IL1RAPL2: variants seen among roughly 807,000 people sequenced by gnomAD.
IL1RAPL2 encodes X-linked interleukin-1 receptor accessory protein-like 2.
Under a neutral mutation model 44.1 loss-of-function variants are expected in IL1RAPL2, and 3 were observed. The ratio of observed to expected loss-of-function variants is 0.07; its 90% confidence interval spans 0.03 to 0.18. The LOEUF (loss-of-function observed/expected upper bound fraction) is 0.18, where lower values mean the gene tolerates loss of function less well. Among genes scored for constraint, IL1RAPL2 ranks in the 10% least tolerant of loss-of-function variants. IL1RAPL2 has a pLI of 1.00. For synonymous variants in IL1RAPL2, 181 were observed against 178.8 expected (o/e 1.01, Z -0.10); for missense variants, 391 against 496.4 (o/e 0.79, Z 2.02).
At chrX:105,392,537 G>A (rs965302598) in intron 5 of IL1RAPL2, among the ~76,000 whole-genome samples, 18 of 111,550 alleles carry the variant, frequency 1.6e-4, no homozygotes, top group African/African-American at 2.9e-4. Flanking sequence ...ATTTTTTCAC[G>A]TTTAAGACAT....
intron 2 of IL1RAPL2, among the ~76,000 whole-genome samples, chrX:105,041,177 A>G (rs2031728730): frequency 9.0e-6 from 1 of 110,673 alleles, no homozygotes; most frequent in Admixed American, 9.7e-5. Context: ...GTTTCCAGGT[A>G]GTTGAGCAGT....
chrX:105,246,975 A>G (rs1190828230), intron 4 of IL1RAPL2, among the ~76,000 whole-genome samples: 1 of 111,082 alleles, frequency 9.0e-6, no homozygotes, highest in Non-Finnish European at 1.9e-5. Context: ...ATATACTGGT[A>G]GCCCTCACAT....
At chrX:104,909,162 T>A (rs1222912624) in intron 2 of IL1RAPL2, among the ~76,000 whole-genome samples, 3 of 112,269 alleles carry the variant, frequency 2.7e-5, no homozygotes, top group Non-Finnish European at 5.6e-5. Context: ...TGCATTATTC[T>A]CGTAGTTCTC....
intron 2 of IL1RAPL2, chrX:104,804,246 A>G (rs1252978998): frequency 9.0e-6 from 1 of 111,403 alleles, no homozygotes; most frequent in East Asian, 2.8e-4. Context: ...TACTACAGAG[A>G]AATGGGTGCC....
chrX:105,527,264 G>C, intron 6 of IL1RAPL2, among the ~76,000 whole-genome samples: 1 of 111,160 alleles, frequency 9.0e-6, no homozygotes, highest in South Asian at 3.7e-4. Context: ...TTATTTGTAA[G>C]ATGGTACAAT....
chrX:104,705,934 G>A (rs978714540), intron 2 of IL1RAPL2, among the ~76,000 whole-genome samples: 1 of 111,903 alleles, frequency 8.9e-6, no homozygotes, highest in Non-Finnish European at 1.9e-5. Flanking sequence ...TTAAGTAGGT[G>A]CTCAACAGAT....
At chrX:104,873,829 A>G (rs1922828228) in intron 2 of IL1RAPL2, among the ~76,000 whole-genome samples, 2 of 112,053 alleles carry the variant, frequency 1.8e-5, no homozygotes, top group Admixed American at 9.5e-5. Flanking sequence ...ATATTAGCAA[A>G]TGAGTCCTTC....
At chrX:105,711,504 T>G (rs2038210877) in intron 6 of IL1RAPL2, among the ~76,000 whole-genome samples, 1 of 111,599 alleles carries the variant, frequency 9.0e-6, no homozygotes, top group South Asian at 3.8e-4. Flanking sequence ...CTCTCAACAC[T>G]ATTACATTGG....
chrX:105,374,190 C>T (rs2035367689), intron 5 of IL1RAPL2, among the ~76,000 whole-genome samples: 1 of 107,858 alleles, frequency 9.3e-6, no homozygotes, highest in East Asian at 3.0e-4. Context: ...TTTCACTGGT[C>T]TATGTGTCTC....
At chrX:105,666,382 C>T (rs5962565) in intron 6 of IL1RAPL2, among the ~76,000 whole-genome samples, 2,147 of 110,504 alleles carry the variant, frequency 0.019, 50 homozygotes, top group African/African-American at 0.067. Context: ...TTAGTGAGGG[C>T]GGGGGTAGGT....
At chrX:105,650,064 G>A (rs1337229127) in intron 6 of IL1RAPL2, among the ~76,000 whole-genome samples, 1 of 111,129 alleles carries the variant, frequency 9.0e-6, no homozygotes, top group African/African-American at 3.3e-5. Flanking sequence ...GTTGGTCAAG[G>A]GGCACTCTTT....
chrX:105,428,455 CTCTG>C (rs764869181), intron 5 of IL1RAPL2, among the ~76,000 whole-genome samples: 2 of 111,651 alleles, frequency 1.8e-5, no homozygotes, highest in South Asian at 7.5e-4. Flanking sequence ...CAACATCCAA[CTCTG>C]TCTGAGATTC....
At chrX:104,761,541 A>G (rs181268329) in intron 2 of IL1RAPL2, among the ~76,000 whole-genome samples, 2 of 108,051 alleles carry the variant, frequency 1.9e-5, no homozygotes, top group African/African-American at 3.6e-5. Flanking sequence ...AAACACAATC[A>G]TGCCTGCCCA....
intron 5 of IL1RAPL2, among the ~76,000 whole-genome samples, chrX:105,384,277 G>T (rs1243318339): frequency 2.7e-5 from 3 of 111,180 alleles, no homozygotes; most frequent in African/African-American, 9.8e-5. Context: ...TTTTGATTTG[G>T]TTTTTGTATT....
At chrX:105,713,404 C>T (rs766613156) in intron 6 of IL1RAPL2, among the ~76,000 whole-genome samples, 1 of 111,493 alleles carries the variant, frequency 9.0e-6, no homozygotes, top group Non-Finnish European at 1.9e-5. Flanking sequence ...TGTACACCTG[C>T]AGGCCCAACA....
chrX:105,223,974 T>G (rs1267285602), intron 3 of IL1RAPL2, among the ~76,000 whole-genome samples: 1 of 111,255 alleles, frequency 9.0e-6, no homozygotes, highest in African/African-American at 3.3e-5. Context: ...ATGGCTGTAC[T>G]GGGCTGGAAG....
At chrX:105,308,428 A>T (rs1054771814) in intron 5 of IL1RAPL2, among the ~76,000 whole-genome samples, 4 of 112,216 alleles carry the variant, frequency 3.6e-5, no homozygotes, top group African/African-American at 1.3e-4. Flanking sequence ...TCAAATAAAT[A>T]TACCTATGTA....
chrX:105,745,006 T>C (rs2038529216), intron 8 of IL1RAPL2, among the ~76,000 whole-genome samples: 1 of 111,466 alleles, frequency 9.0e-6, no homozygotes, highest in African/African-American at 3.3e-5. Flanking sequence ...CAGGATGCTA[T>C]AACAAAACAC....
intron 2 of IL1RAPL2, among the ~76,000 whole-genome samples, chrX:104,710,823 C>T (rs1331180828): frequency 9.0e-6 from 1 of 111,194 alleles, no homozygotes. Context: ...TGTAAACAAA[C>T]CTACTGCATC....
Sources: allele counts gnomAD v4.1 joint callset (sites outside exome capture counted in the v4.1 genomes callset), GRCh38; gene constraint gnomAD v4.1.1; transcripts MANE v1.5; gene names NCBI Gene and HGNC (gene_info 2026-07-23, HGNC 2026-07-21).